Variants in CASD1 observed in about 807,000 individuals in gnomAD.
CASD1 encodes the protein N-acetylneuraminate (7)9-O-acetyltransferase.
A neutral mutation model predicts 100.0 loss-of-function variants in CASD1; 41 were observed. That is an observed-to-expected ratio of 0.41 (90% CI 0.32 to 0.53). CASD1 has a LOEUF of 0.53. CASD1 is among the 20% of genes least tolerant of loss of function. The pLI, the probability that CASD1 is intolerant of heterozygous loss-of-function variation, is 0.25. For missense variants in CASD1, 774 were observed against 948.7 expected, an observed-to-expected ratio of 0.82 and a Z score of 2.42; for synonymous variants, 321 against 315.6, an observed-to-expected ratio of 1.02 and a Z score of -0.18.
chr7:94,573,658 A>G, the CASD1 span, among the ~76,000 whole-genome samples: 1 of 152,150 alleles, frequency 6.6e-6, no homozygotes, highest in African/African-American at 2.4e-5. Flanking sequence ...AGGATGTAGA[A>G]TCATGTTTGT....
At chr7:94,536,760 T>A (rs963599376) in intron 8 of CASD1, among the ~76,000 whole-genome samples, 3 of 152,162 alleles carry the variant, frequency 2.0e-5, no homozygotes, top group African/African-American at 7.2e-5. Flanking sequence ...AACTATGAAG[T>A]TTTTATAAAA....
chr7:94,611,260 T>C, the CASD1 span, among the ~76,000 whole-genome samples: 14 of 152,164 alleles, frequency 9.2e-5, no homozygotes, highest in Non-Finnish European at 1.9e-4. Context: ...CATCAACTTA[T>C]AAATGGATAA....
downstream of CASD1, among the ~76,000 whole-genome samples, chr7:94,558,278 G>A (rs1248046874): frequency 6.6e-6 from 1 of 152,146 alleles, no homozygotes; most frequent in Non-Finnish European, 1.5e-5. Flanking sequence ...AAACGGGAAT[G>A]CATCCTGGAT....
At chr7:94,587,677 A>C in the CASD1 span, 4 of 1,525,196 alleles carry the variant, frequency 2.6e-6, no homozygotes, top group African/African-American at 4.2e-5. Flanking sequence ...TCTTGTTGAA[A>C]CATGTTAGCA....
chr7:94,589,000 A>G, the CASD1 span: 1 of 459,792 alleles, frequency 2.2e-6, no homozygotes, highest in Admixed American at 3.4e-5. Context: ...GGTAGGTGTT[A>G]ATATTTTTCC....
chr7:94,553,537 A>C (rs568208052), intron 16 of CASD1, among the ~76,000 whole-genome samples: 26 of 152,284 alleles, frequency 1.7e-4, no homozygotes, highest in Admixed American at 7.2e-4. Context: ...ATCAACATTG[A>C]ATATGAGTTT....
the CASD1 span, chr7:94,588,026 A>G: frequency 5.8e-6 from 8 of 1,383,064 alleles, no homozygotes; most frequent in South Asian, 1.4e-4. Flanking sequence ...GTTCCCTGGC[A>G]ATTAGAACTA....
At chr7:94,524,633 A>C (rs1425917355) in intron 3 of CASD1, among the ~76,000 whole-genome samples, 1 of 152,160 alleles carries the variant, frequency 6.6e-6, no homozygotes, top group Non-Finnish European at 1.5e-5. Flanking sequence ...CTATGGAACA[A>C]TTAGGGAAAT....
chr7:94,633,316 C>T, the CASD1 span, among the ~76,000 whole-genome samples: 1 of 152,024 alleles, frequency 6.6e-6, no homozygotes, highest in Non-Finnish European at 1.5e-5. Context: ...GCAAGCATAG[C>T]TAGATTTACA....
In CASD1 at chr7:94,528,266, A is replaced by G. The variant is rs1340919655; in HGVS notation, c.459+16A>G. 5 of 1,531,204 alleles carry G rather than the reference A, an allele frequency of 3.3e-6. No individual in the cohort carries two copies. In the African/African-American group the frequency reaches 6.0e-5, roughly 18 times the overall value. 94.9% of individuals were successfully genotyped at this position (1,531,204 alleles called of 1,614,324 possible). A position where few individuals can be genotyped will look rare whatever the true frequency, so the allele number is the denominator to read the frequency against. ...GTGGACTGAGGTCTGTATTTAAAAA[A>G]CATAGGCTTTTTTTTTTTTTATTTT... is the stretch of plus-strand genomic sequence containing the variant. On this transcript the variant is annotated intron_variant, in intron 5 of 17. Transcript: ENST00000297273.
At chr7:94,587,722 A>G in the CASD1 span, 2 of 1,534,488 alleles carry the variant, frequency 1.3e-6, no homozygotes, top group South Asian at 1.3e-5. Context: ...TTGTAGGGAA[A>G]AATTCTGATA....
At chr7:94,603,734 A>G in the CASD1 span, among the ~76,000 whole-genome samples, 2 of 151,880 alleles carry the variant, frequency 1.3e-5, no homozygotes, top group African/African-American at 2.4e-5. Context: ...TTTTCATTCA[A>G]TATAAACATG....
At chr7:94,587,490 G>A in the CASD1 span, 13 of 1,281,438 alleles carry the variant, frequency 1.0e-5, no homozygotes, top group Admixed American at 4.3e-5. Context: ...CATTTCTATC[G>A]TAGAAGTATT....
rs1270311530 is a variant in CASD1, at chr7:94,556,690, AGTT to A, written c.*936_*938del. 1 of 152,060 alleles carries A rather than the reference AGTT, an allele frequency of 6.6e-6. No individual in the cohort carries two copies. The highest frequency in any genetic ancestry group is 1.5e-5 in the Non-Finnish European group (1 of 67,950). The allele number at this position is 152,060 out of a possible 1,614,324, so 9.4% of individuals were successfully genotyped here. A position where few individuals can be genotyped will look rare whatever the true frequency, so the allele number is the denominator to read the frequency against. On this transcript the variant is annotated 3_prime_UTR_variant, in exon 18 of 18. Transcript: ENST00000297273. The stretch of plus-strand genomic sequence containing the variant: ...ACTTGTGCAGTGTAGTAAACATGCA[AGTT>A]GTTACGATTGAGCTGTATTACCATA...
chr7:94,588,570 A>G, the CASD1 span: 1 of 1,536,238 alleles, frequency 6.5e-7, no homozygotes, highest in Non-Finnish European at 8.7e-7. Context: ...TTAAGGAATG[A>G]CACAAGTGTT....
chr7:94,624,193 C>G, the CASD1 span: 33 of 391,700 alleles, frequency 8.4e-5, no homozygotes, highest in Non-Finnish European at 4.5e-5. Context: ...ATGATTGTGT[C>G]AAAATCTTAG....
the CASD1 span, chr7:94,588,036 A>G: frequency 2.9e-6 from 4 of 1,377,070 alleles, no homozygotes; most frequent in Non-Finnish European, 3.7e-6. Context: ...AATTAGAACT[A>G]GGAATCAACC....
intron 3 of CASD1, among the ~76,000 whole-genome samples, chr7:94,524,507 A>G (rs1794452088): frequency 6.6e-6 from 1 of 152,108 alleles, no homozygotes; most frequent in African/African-American, 2.4e-5. Context: ...CAGATGTATT[A>G]GGCTGTGTAC....
downstream of CASD1, among the ~76,000 whole-genome samples, chr7:94,561,326 T>A (rs1397918893): frequency 6.6e-6 from 1 of 152,160 alleles, no homozygotes; most frequent in Admixed American, 6.5e-5. Flanking sequence ...TTTCACTTGG[T>A]TCCTAATTCT....
Sources: gnomAD v4.1 joint callset for allele counts (sites outside exome capture counted in the v4.1 genomes callset) on GRCh38, gnomAD v4.1.1 for gene constraint, MANE v1.5 for transcripts, NCBI Gene and HGNC (gene_info 2026-07-23, HGNC 2026-07-21) for gene names.